The following NTM variants were observed in gnomAD, a reference collection of about 807,000 sequenced individuals.
NTM encodes IgLON family member 2.
In NTM, 13 loss-of-function variants were observed where a neutral mutation model predicts 42.1. That is an observed-to-expected ratio of 0.31 (90% CI 0.20 to 0.49). The LOEUF (loss-of-function observed/expected upper bound fraction) is 0.49, where lower values mean the gene tolerates loss of function less well. Among genes scored for constraint, NTM ranks in the 20% least tolerant of loss-of-function variants. The pLI, the probability that NTM is intolerant of heterozygous loss-of-function variation, is 0.99. For synonymous variants in NTM, 187 were observed against 179.2 expected (o/e 1.04, Z -0.35); for missense variants, 373 against 452.8 (o/e 0.82, Z 1.60).
chr11:132,018,377 C>G (rs1168351406), intron 2 of NTM, among the ~76,000 whole-genome samples: 1 of 151,880 alleles, frequency 6.6e-6, no homozygotes, highest in African/African-American at 2.4e-5. Context: ...TCTAAGGTAC[C>G]TTTTGTAGGA....
intron 1 of NTM, among the ~76,000 whole-genome samples, chr11:131,791,612 C>T (rs1264149866): frequency 1.3e-5 from 2 of 152,224 alleles, no homozygotes; most frequent in African/African-American, 4.8e-5. Context: ...ATGACCCTGA[C>T]TTCCAACAGT....
intron 2 of NTM, among the ~76,000 whole-genome samples, chr11:131,942,189 G>C (rs2059866911): frequency 6.6e-6 from 1 of 152,194 alleles, no homozygotes; most frequent in African/African-American, 2.4e-5. Context: ...TGCAAAAGCA[G>C]AGAGAGAGTG....
intron 2 of NTM, among the ~76,000 whole-genome samples, chr11:131,965,502 A>G (rs1235536028): frequency 1.3e-5 from 2 of 152,184 alleles, no homozygotes; most frequent in Non-Finnish European, 2.9e-5. Context: ...ATTAATTATT[A>G]TTAATTGTAT....
At chr11:131,875,584 A>G (rs1482441283) in intron 1 of NTM, among the ~76,000 whole-genome samples, 1 of 152,268 alleles carries the variant, frequency 6.6e-6, no homozygotes, top group African/African-American at 2.4e-5. Context: ...CAAGGAAATC[A>G]GAGACGCCTT....
rs892811486 is a variant in NTM, at chr11:132,307,625, T to C, written c.527-64T>C. The C allele has an allele frequency of 6.9e-5, 111 of 1,600,408 alleles. No homozygotes were observed. In the African/African-American group the frequency reaches 1.1e-3, roughly 16 times the overall value. ...CATAACCATTTTATACTTTGTTTTC[T>C]AAGTGAACATGTTTGGTCTTTTTTT... On this transcript the variant is annotated intron_variant, in intron 4 of 8. Coordinates refer to ENST00000683400, the MANE Select transcript of NTM (RefSeq NM_001352005.2).
chr11:131,583,860 C>G (rs79328559), intron 1 of NTM, among the ~76,000 whole-genome samples: 2,338 of 152,166 alleles, frequency 0.015, 63 homozygotes, highest in African/African-American at 0.052. Flanking sequence ...ATAGATGAAC[C>G]CCTGAGAAGT....
At chr11:131,429,125 C>G (rs1167690598) in intron 1 of NTM, among the ~76,000 whole-genome samples, 1 of 152,128 alleles carries the variant, frequency 6.6e-6, no homozygotes, top group Non-Finnish European at 1.5e-5. Flanking sequence ...CCACAGAGCC[C>G]TCACCTGAGA....
intron 2 of NTM, among the ~76,000 whole-genome samples, chr11:132,050,081 C>A (rs1201667538): frequency 6.6e-6 from 1 of 152,152 alleles, no homozygotes; most frequent in East Asian, 1.9e-4. Context: ...ATTTACCTAA[C>A]TGAGGCCACT....
intron 4 of NTM, among the ~76,000 whole-genome samples, chr11:132,229,656 G>T (rs1483862536): frequency 1.3e-5 from 2 of 152,158 alleles, no homozygotes; most frequent in Non-Finnish European, 2.9e-5. Flanking sequence ...AAACTGTGTT[G>T]GACGAGGTCT....
intron 2 of NTM, among the ~76,000 whole-genome samples, chr11:132,099,963 C>G (rs763731484): frequency 1.3e-5 from 2 of 152,140 alleles, no homozygotes; most frequent in Non-Finnish European, 2.9e-5. Flanking sequence ...CCTTCCCCCA[C>G]TTTGCACCAT....
intron 2 of NTM, among the ~76,000 whole-genome samples, chr11:131,945,880 C>T (rs531922225): frequency 1.2e-3 from 190 of 152,296 alleles, no homozygotes; most frequent in African/African-American, 4.3e-3. Flanking sequence ...CAAATCTCTT[C>T]CTGCCAGCGA....
intron 2 of NTM, among the ~76,000 whole-genome samples, chr11:131,911,969 G>A (rs1592781939): frequency 6.6e-6 from 1 of 152,168 alleles, no homozygotes; most frequent in East Asian, 1.9e-4. Flanking sequence ...GCCTGAGCCT[G>A]GTGGCCGTGG....
At chr11:131,908,881 C>G (rs1165248084) in intron 1 of NTM, among the ~76,000 whole-genome samples, 1 of 152,264 alleles carries the variant, frequency 6.6e-6, no homozygotes, top group Non-Finnish European at 1.5e-5. Context: ...AAAATACAAA[C>G]AAAGATCTTC....
At chr11:131,460,472 A>C (rs1310823485) in intron 1 of NTM, among the ~76,000 whole-genome samples, 2 of 152,260 alleles carry the variant, frequency 1.3e-5, no homozygotes, top group African/African-American at 4.8e-5. Flanking sequence ...AACCTGTAGC[A>C]ACTCATGCAG....
chr11:131,379,110 G>A (rs1179276237), intron 1 of NTM, among the ~76,000 whole-genome samples: 1 of 152,224 alleles, frequency 6.6e-6, no homozygotes, highest in Non-Finnish European at 1.5e-5. Flanking sequence ...TGGCTCCCCA[G>A]AGTGTTCATA....
intron 1 of NTM, among the ~76,000 whole-genome samples, chr11:131,458,139 A>G (rs776657070): frequency 1.4e-4 from 21 of 152,310 alleles, no homozygotes; most frequent in African/African-American, 4.3e-4. Flanking sequence ...TTACTCCAAT[A>G]CTCAGCAGAG....
At chr11:131,513,394 G>A (rs894354568) in intron 1 of NTM, among the ~76,000 whole-genome samples, 8 of 152,100 alleles carry the variant, frequency 5.3e-5, no homozygotes, top group African/African-American at 1.9e-4. Flanking sequence ...ACAGACCACA[G>A]AGATGGCCAA....
intron 1 of NTM, among the ~76,000 whole-genome samples, chr11:131,798,234 G>A (rs981494862): frequency 2.6e-4 from 40 of 152,190 alleles, no homozygotes; most frequent in African/African-American, 2.7e-4. Context: ...ATGGGCTGCC[G>A]TCTGCAGGCT....
intron 4 of NTM, among the ~76,000 whole-genome samples, chr11:132,283,577 G>GA (rs1186293469): frequency 6.6e-6 from 1 of 152,028 alleles, no homozygotes; most frequent in African/African-American, 2.4e-5. Flanking sequence ...CAATTTGGAT[G>GA]AAAAAATTGG....
Sources: allele counts gnomAD v4.1 joint callset (sites outside exome capture counted in the v4.1 genomes callset), GRCh38; gene constraint gnomAD v4.1.1; transcripts MANE v1.5; gene names NCBI Gene and HGNC (gene_info 2026-07-23, HGNC 2026-07-21).